CHN2: variants seen among roughly 807,000 people sequenced by gnomAD.
The protein encoded by CHN2 is chimerin 2.
Under a neutral mutation model 56.3 loss-of-function variants are expected in CHN2, and 35 were observed. The observed-to-expected ratio is 0.62, with a 90% CI of 0.47 to 0.82. The LOEUF is 0.82. Among genes scored for constraint, CHN2 ranks in the 40% least tolerant of loss-of-function variants. CHN2 has a pLI of 0.00. For missense variants in CHN2, 491 were observed against 580.5 expected (o/e 0.85, Z 1.58); for synonymous variants, 210 against 212.8 (o/e 0.99, Z 0.12).
intron 1 of CHN2, among the ~76,000 whole-genome samples, chr7:29,291,215 A>C (rs1350343786): frequency 6.6e-6 from 1 of 152,118 alleles, no homozygotes; most frequent in African/African-American, 2.4e-5. Flanking sequence ...GGGCCCACTC[A>C]CCCAACTTCT....
At chr7:29,430,789 CAAAA>C (rs72339566) in intron 6 of CHN2, among the ~76,000 whole-genome samples, 4 of 113,674 alleles carry the variant, frequency 3.5e-5, no homozygotes, top group Admixed American at 9.0e-5. Flanking sequence ...AAGATGATAG[CAAAA>C]AAAAAAAAAA....
At chr7:29,182,253 C>T (rs1300026081) in intron 2 of CHN2, among the ~76,000 whole-genome samples, 3 of 152,050 alleles carry the variant, frequency 2.0e-5, no homozygotes, top group African/African-American at 4.8e-5. Context: ...AAAATAGGAG[C>T]GCAGAGGAAG....
chr7:29,273,365 A>G lies in CHN2; in HGVS notation c.49+78375A>G, dbSNP rs1481544951. ...TGTGTATATATATATATATATATAT[A>G]TATATATATATATATATATATATAC... On this transcript the variant is annotated intron_variant, in intron 1 of 12. Coordinates refer to ENST00000222792, the MANE Select transcript of CHN2 (RefSeq NM_004067.4). 2.6e-3 allele frequency among the ~76,000 whole-genome samples: 138 copies of G among 52,126 alleles called. 6 individuals carry two copies. The highest frequency in any genetic ancestry group is 0.01 in the African/African-American group (133 of 12,868). 34.2% of individuals were successfully genotyped at this position (52,126 alleles called of 152,430 possible).
intron 3 of CHN2, among the ~76,000 whole-genome samples, chr7:29,389,287 C>A (rs1038892426): frequency 5.1e-4 from 77 of 152,196 alleles, no homozygotes; most frequent in African/African-American, 1.7e-3. Flanking sequence ...GGTCACTCAC[C>A]CCGTTTACTT....
intron 2 of CHN2, among the ~76,000 whole-genome samples, chr7:29,359,817 A>G (rs1798586583): frequency 6.6e-6 from 1 of 152,240 alleles, no homozygotes; most frequent in South Asian, 2.1e-4. Flanking sequence ...GGCAAGTTCA[A>G]AAGCCAATCA....
intron 6 of CHN2, among the ~76,000 whole-genome samples, chr7:29,410,594 T>C (rs867689669): frequency 1.7e-4 from 26 of 152,144 alleles, no homozygotes; most frequent in African/African-American, 5.6e-4. Flanking sequence ...CTCACCTAAA[T>C]TGGGTATTTT....
rs369351588 is a variant in CHN2, at chr7:29,216,575, T to C, written c.49+21585T>C. 8.5e-5 allele frequency among the ~76,000 whole-genome samples: 13 copies of C among 152,348 alleles called. No individual in the cohort carries two copies. The South Asian group carries it at 2.7e-3, about 32-fold the overall frequency. ...CCTGCCCTTCTTCCTGCTTCTTGCC[T>C]CCTTGAGGCTGAGCTCTTCTCTCTC... On this transcript the variant is annotated intron_variant, in intron 1 of 12. Transcript: ENST00000222792.
At chr7:29,334,045 TTTTC>T (rs1796421681) in intron 1 of CHN2, among the ~76,000 whole-genome samples, 1 of 141,918 alleles carries the variant, frequency 7.0e-6, no homozygotes, top group African/African-American at 2.7e-5. Context: ...ATTCAATTTC[TTTTC>T]TTTTTTTTTT....
At chr7:29,260,378 A>G (rs1789435986) in intron 1 of CHN2, among the ~76,000 whole-genome samples, 1 of 152,168 alleles carries the variant, frequency 6.6e-6, no homozygotes, top group Non-Finnish European at 1.5e-5. Flanking sequence ...AGTAGCGTAC[A>G]TGTGATTAAT....
At chr7:29,248,445 G>A (rs563368518) in intron 1 of CHN2, among the ~76,000 whole-genome samples, 3 of 152,294 alleles carry the variant, frequency 2.0e-5, no homozygotes, top group Non-Finnish European at 2.9e-5. Flanking sequence ...CTGTTGTGAC[G>A]TTAGTTTGGG....
At chr7:29,195,631 T>TAGAGAGAGA (rs1783625792) in intron 1 of CHN2, among the ~76,000 whole-genome samples, 1 of 108,724 alleles carries the variant, frequency 9.2e-6, no homozygotes, top group Non-Finnish European at 1.9e-5. Context: ...AGAGAGAGAG[T>TAGAGAGAGA]GTGTGTGTGT....
chr7:29,461,994 C>T (rs1012635924), intron 6 of CHN2, among the ~76,000 whole-genome samples: 1 of 152,156 alleles, frequency 6.6e-6, no homozygotes, highest in Admixed American at 6.5e-5. Context: ...ACATTTGTGT[C>T]TATAAATTCC....
intron 1 of CHN2, among the ~76,000 whole-genome samples, chr7:29,293,627 C>T (rs1792858484): frequency 6.6e-6 from 1 of 152,110 alleles, no homozygotes. Context: ...TGTTTCAGGG[C>T]CTCCGAACTT....
chr7:29,400,804 T>A lies in CHN2; in HGVS notation c.552T>A (p.His184Gln), dbSNP rs1443337236. 6.2e-7 allele frequency: 1 copy of A among 1,613,692 alleles called. No homozygotes were observed. The change falls in exon 6 of 13, where the codon CAT becomes CAA. Residue 184 changes from histidine to glutamine, a missense_variant. Transcript: ENST00000222792. ...AACCAAGAAAAACAAACGTCACACATGAAGAACACACAGCGGTGGAAAAGG... is the reference window on the plus strand; with the variant it reads ...AACCAAGAAAAACAAACGTCACACAAGAAGAACACACAGCGGTGGAAAAGG... ...KNEPRKTNVTHEEHTAVEKIS... is the reference protein window; with the variant it reads ...KNEPRKTNVTQEEHTAVEKIS...
At chr7:29,459,601 T>G (rs895262713) in intron 6 of CHN2, among the ~76,000 whole-genome samples, 3 of 152,120 alleles carry the variant, frequency 2.0e-5, no homozygotes, top group African/African-American at 7.2e-5. Context: ...AATTCTCTTT[T>G]GAGGTCAAGC....
At chr7:29,486,122 C>T (rs529450892) in intron 7 of CHN2, among the ~76,000 whole-genome samples, 166 of 152,274 alleles carry the variant, frequency 1.1e-3, no homozygotes, top group African/African-American at 3.8e-3. Context: ...CTGCCTTCCC[C>T]TTACCAGAGG....
intron 1 of CHN2, among the ~76,000 whole-genome samples, chr7:29,273,941 A>C (rs79919001): frequency 0.037 from 5,614 of 152,236 alleles, 159 homozygotes; most frequent in African/African-American, 0.073. Context: ...AAAGGCCTCA[A>C]GGACTTGCAG....
At chr7:29,336,697 T>C (rs1399548334) in intron 1 of CHN2, among the ~76,000 whole-genome samples, 1 of 143,742 alleles carries the variant, frequency 7.0e-6, no homozygotes, top group East Asian at 2.0e-4. Flanking sequence ...GAGTCTGAGT[T>C]TACAATGAAC....
At chr7:29,207,766 C>G (rs1395052943) in intron 1 of CHN2, among the ~76,000 whole-genome samples, 1 of 152,164 alleles carries the variant, frequency 6.6e-6, no homozygotes, top group African/African-American at 2.4e-5. Flanking sequence ...TCTGCTGGCT[C>G]TTTTGTTGTT....
Sources: gnomAD v4.1 joint callset for allele counts (sites outside exome capture counted in the v4.1 genomes callset) on GRCh38, gnomAD v4.1.1 for gene constraint, MANE v1.5 for transcripts, NCBI Gene and HGNC (gene_info 2026-07-23, HGNC 2026-07-21) for gene names.